The following MICALL2 variants were observed in gnomAD, a reference collection of about 807,000 sequenced individuals.
MICALL2 encodes the protein MICAL like 2.
A neutral mutation model predicts 91.1 loss-of-function variants in MICALL2; 111 were observed. The ratio of observed to expected loss-of-function variants is 1.22; its 90% CI spans 1.04 to 1.43. MICALL2 has a LOEUF of 1.43. Ranked by LOEUF, MICALL2 falls within the 40% of genes most tolerant of loss-of-function variation. The pLI is 0.00. For synonymous variants in MICALL2, 694 were observed against 525.3 expected, an observed-to-expected ratio of 1.32 and a Z score of -4.39; for missense variants, 1,556 against 1,236.0, an observed-to-expected ratio of 1.26 and a Z score of -3.88.
In MICALL2 at chr7:1,450,361, C is replaced by A. The variant is rs1780781926; in HGVS notation, c.144-73G>T. Reference sequence around the variant, plus strand: ...GGAGGGGCTGGAGGGCCTCAGAGGTCATCTTGCCCAAACAGAGAAACCGAG... The same window carrying A: ...GGAGGGGCTGGAGGGCCTCAGAGGTAATCTTGCCCAAACAGAGAAACCGAG... On this transcript the variant is annotated intron_variant, in intron 1 of 16. Coordinates refer to ENST00000297508, the MANE Select transcript of MICALL2 (RefSeq NM_182924.4). 2.5e-5 allele frequency: 32 copies of A among 1,282,414 alleles called. No homozygotes were observed. In the South Asian group the frequency reaches 3.7e-4, roughly 15 times the overall value. 79.4% of individuals were successfully genotyped at this position (1,282,414 alleles called of 1,614,324 possible). A position where few individuals can be genotyped will look rare whatever the true frequency, so the allele number is the denominator to read the frequency against.
rs765036269 is a variant in MICALL2, at chr7:1,438,898, T to C, written c.2064A>G (p.Glu688=). The change falls in exon 10 of 17, where the codon GAA becomes GAG. Residue 688 remains glutamate, a synonymous_variant. Transcript: ENST00000297508. ...NWLRPEPPGQ[E]ARVQSWKEEE... is the part of the protein sequence containing the mutation. Reference sequence around the variant, plus strand: ...CCTCCTTCCAGCTCTGCACTCGGGCTTCCTGGCCAGGGGGCTCCGGCCGAA... The same window carrying C: ...CCTCCTTCCAGCTCTGCACTCGGGCCTCCTGGCCAGGGGGCTCCGGCCGAA... 33 of 1,610,614 alleles carry C rather than the reference T, an allele frequency of 2.0e-5. No individual in the cohort carries two copies. In the African/African-American group the frequency reaches 4.1e-4, roughly 20 times the overall value.
At chr7:1,436,937 C>G in intron 14 of MICALL2, 81 bp from the exon 15 acceptor site, 2 of 998,424 alleles carry the variant, frequency 2.0e-6, no homozygotes, top group South Asian at 1.9e-5. Context: ...ACCACCCAAG[C>G]GCCAGGCTCC....
At chr7:1,437,701 C>G (rs1562446518) in intron 13 of MICALL2, 93 bp from the exon 14 acceptor site, 5 of 1,374,428 alleles carry the variant, frequency 3.6e-6, no homozygotes, top group Non-Finnish European at 5.0e-6. Flanking sequence ...ACCTGCCACA[C>G]AGACACGAGT....
rs1283632037 is a variant in MICALL2, at chr7:1,440,601, G to T, written c.1795C>A (p.Pro599Thr). The change falls in exon 8 of 17, where the codon CCA (proline) becomes ACA (threonine). Residue 599 changes from proline (P) to threonine (T), a missense_variant. Coordinates refer to ENST00000297508, the MANE Select transcript of MICALL2 (RefSeq NM_182924.4). Reference sequence around the variant, plus strand: ...CCACCCATCCCTAACCTCTCAGCTGGGCTTCTCCTGTCCACGGGCTTCAGA... The same window carrying T: ...CCACCCATCCCTAACCTCTCAGCTGTGCTTCTCCTGTCCACGGGCTTCAGA... ...ANLKPVDRRS[P>T]AERTLKPKEP... 6.2e-7 allele frequency: 1 copy of T among 1,612,746 alleles called. No homozygotes were observed. Among genetic ancestry groups the T allele is most frequent in the African/African-American group, 1.3e-5 (1 of 75,032 alleles).
At position 1,446,711 on chromosome 7, in the gene MICALL2, A is replaced by C; in HGVS notation, c.641+2T>G. On this transcript the variant is annotated splice_donor_variant, in intron 5 of 16. Transcript: ENST00000297508. LOFTEE classifies it high-confidence loss of function. Reference sequence around the variant, plus strand: ...AGGCGTGCGGGCAGAGGGCAGCCCCACCTGAAGCAGCTCCGGTGGTAAAGC... The same window carrying C: ...AGGCGTGCGGGCAGAGGGCAGCCCCCCCTGAAGCAGCTCCGGTGGTAAAGC... 6.3e-7 allele frequency: 1 copy of C among 1,588,774 alleles called. No individual in the cohort carries two copies. The highest frequency in any genetic ancestry group is 8.6e-7 in the Non-Finnish European group (1 of 1,168,490).
At chr7:1,434,985 G>GCCCCCCCCCCCCCCCCCCCCCCCCCCC in intron 16 of MICALL2, 116 bp downstream of exon 16, 1 of 255,662 alleles carries the variant, frequency 3.9e-6, no homozygotes, top group Non-Finnish European at 7.4e-6. Flanking sequence ...CCCGATACCC[G>GCCCCCCCCCCCCCCCCCCCCCCCCCCC]CCCCCCCCCC....
At chr7:1,435,075 GC>G in intron 16 of MICALL2, 25 bp downstream of exon 16, 1 of 1,565,122 alleles carries the variant, frequency 6.4e-7, no homozygotes, top group Non-Finnish European at 8.7e-7. Flanking sequence ...AGCCAGCCCA[GC>G]CCTCAGCATC....
rs368489703 is a variant in MICALL2, at chr7:1,455,874, G to A, written c.143+3310C>T. 5.7e-4 allele frequency among the ~76,000 whole-genome samples: 87 copies of A among 152,184 alleles called. 1 individual carries two copies. In the South Asian group the frequency reaches 0.018, roughly 31 times the overall value. On this transcript the variant is annotated intron_variant, in intron 1 of 16. Transcript: ENST00000297508. ...TGTCAAGGGGTCTTCACTGGAAGGA[G>A]AGGGGAATGAGGTGGCAAGGGCGGG...
chr7:1,440,868 G>A (rs956332285), intron 7 of MICALL2, 184 bp from the exon 8 acceptor site: 2 of 600,334 alleles, frequency 3.3e-6, no homozygotes, highest in Non-Finnish European at 6.1e-6. Context: ...GCTCCCAGCT[G>A]GCTCTCCTGT....
intron 16 of MICALL2, 24 bp from the exon 17 acceptor site, chr7:1,434,696 G>C (rs546675164): frequency 6.5e-7 from 1 of 1,533,408 alleles, no homozygotes; most frequent in Admixed American, 2.2e-5. Context: ...GGACAGTGAG[G>C]CCGTGCTCAA....
chr7:1,457,751 C>T (rs1421214613), intron 1 of MICALL2, among the ~76,000 whole-genome samples: 1 of 152,262 alleles, frequency 6.6e-6, no homozygotes, highest in Non-Finnish European at 1.5e-5. Flanking sequence ...AAGCTGGTGG[C>T]CAGCAGCCGG....
chr7:1,459,103 CCGCCCGGG>C (rs1268716856), intron 1 of MICALL2, 73 bp downstream of exon 1: 22 of 1,437,454 alleles, frequency 1.5e-5, no homozygotes, highest in Non-Finnish European at 1.9e-5. Flanking sequence ...CATCCCCCAG[CCGCCCGGG>C]CCTCAGTTTC....
At chr7:1,444,412 C>G (rs575221617) in intron 6 of MICALL2, among the ~76,000 whole-genome samples, 9 of 152,216 alleles carry the variant, frequency 5.9e-5, no homozygotes, top group African/African-American at 9.6e-5. Context: ...CATGACGCCC[C>G]GAGCACATGC....
rs566758578 is a variant in MICALL2 at position 1,447,230 on chromosome 7, G to A, written c.525+345C>T. ...TCCACCCCAACTCCGCTTCTGAGAAGTGGGGGTGCCTGGGTTCACTCTGCA... is the reference window on the plus strand; with the variant it reads ...TCCACCCCAACTCCGCTTCTGAGAAATGGGGGTGCCTGGGTTCACTCTGCA... On this transcript the variant is annotated intron_variant, in intron 4 of 16. Transcript: ENST00000297508. Among the ~76,000 whole-genome samples, 4 of 152,320 alleles carry A rather than the reference G, an allele frequency of 2.6e-5. No homozygotes were observed. In the South Asian group the frequency reaches 6.2e-4, roughly 24 times the overall value.
intron 16 of MICALL2, 170 bp from the exon 17 acceptor site, chr7:1,434,842 C>G: frequency 2.6e-6 from 2 of 769,742 alleles, no homozygotes; most frequent in South Asian, 1.8e-5. Context: ...CCTGCCCCGA[C>G]TGGGTGCCCC....
At chr7:1,442,128 G>A (rs751776135) in intron 7 of MICALL2, 64 bp downstream of exon 7, 132 of 1,561,050 alleles carry the variant, frequency 8.5e-5, no homozygotes, top group Non-Finnish European at 1.0e-4. Flanking sequence ...TGCAGAGTGC[G>A]GCCAGGGGAG....
At chr7:1,436,957 G>A (rs1423342981) in intron 14 of MICALL2, 101 bp from the exon 15 acceptor site, 3 of 841,226 alleles carry the variant, frequency 3.6e-6, no homozygotes, top group Middle Eastern at 2.4e-4. Flanking sequence ...CTCTTTTGGA[G>A]GAAGAAGGTG....
Position 1,446,747 on chromosome 7 carries a change from C to T in MICALL2, c.607G>A (p.Ala203Thr), listed in dbSNP as rs762184355. Residue 203 changes from alanine to threonine, a missense_variant, in exon 5 of 17, where the codon GCC becomes ACC. By Grantham distance (58) the Ala-to-Thr change is moderately conservative. Transcript: ENST00000297508. ...KHVHLVQRHL[A>T]DGRLYHRSCF... ...CTCCGGTGGTAAAGCCTCCCGTCGG[C>T]CAGGTGCCGCTGTACCAGGTGCACG... 2.5e-6 allele frequency: 4 copies of T among 1,606,864 alleles called. No homozygotes were observed. Among genetic ancestry groups the T allele is most frequent in the Non-Finnish European group, 2.5e-6 (3 of 1,177,816 alleles).
chr7:1,455,008 C>T (rs1053925015), intron 1 of MICALL2, among the ~76,000 whole-genome samples: 43 of 152,298 alleles, frequency 2.8e-4, no homozygotes, highest in South Asian at 6.2e-4. Context: ...TTCACGACAC[C>T]CTCCCAAGGC....
Sources: allele counts gnomAD v4.1 joint callset (sites outside exome capture counted in the v4.1 genomes callset), GRCh38; gene constraint gnomAD v4.1.1; transcripts MANE v1.5; gene names NCBI Gene and HGNC (gene_info 2026-07-23, HGNC 2026-07-21).